EXT1: variants seen among roughly 807,000 people sequenced by gnomAD.
EXT1 encodes the protein exostosin glycosyltransferase 1.
EXT1 carries 20 observed loss-of-function variants against 82.5 expected under a neutral mutation model. That is an observed-to-expected ratio of 0.24 (90% confidence interval 0.17 to 0.35). EXT1 has a LOEUF of 0.35. Among genes scored for constraint, EXT1 ranks in the 10% least tolerant of loss-of-function variants. The pLI is 1.00. For synonymous variants in EXT1, 348 were observed against 350.8 expected, an observed-to-expected ratio of 0.99 and a Z score of 0.09; for missense variants, 757 against 936.5, an observed-to-expected ratio of 0.81 and a Z score of 2.50.
chr8:117,988,243 C>A (rs1654982477), intron 1 of EXT1, among the ~76,000 whole-genome samples: 1 of 152,312 alleles, frequency 6.6e-6, no homozygotes, highest in East Asian at 1.9e-4. Flanking sequence ...ATATAAAACA[C>A]TGAGTAGCAT....
chr8:117,814,607 G>A (rs1811766146), intron 7 of EXT1, among the ~76,000 whole-genome samples: 1 of 152,080 alleles, frequency 6.6e-6, no homozygotes, highest in African/African-American at 2.4e-5. Context: ...TATCTGAATG[G>A]AAAGGACCTC....
intron 1 of EXT1, among the ~76,000 whole-genome samples, chr8:117,986,187 C>CA (rs1379055516): frequency 9.5e-5 from 6 of 63,466 alleles, no homozygotes; most frequent in Middle Eastern, 0.011. Flanking sequence ...CTATTCTTTT[C>CA]TTTTTTTTTT....
At chr8:118,018,873 TTC>T (rs1475687499) in intron 1 of EXT1, among the ~76,000 whole-genome samples, 1 of 152,106 alleles carries the variant, frequency 6.6e-6, no homozygotes, top group Non-Finnish European at 1.5e-5. Context: ...CAACCTGGTT[TTC>T]TCTCTCTTTT....
intron 1 of EXT1, among the ~76,000 whole-genome samples, chr8:117,937,127 T>C (rs1043634362): frequency 6.6e-6 from 1 of 152,186 alleles, no homozygotes; most frequent in African/African-American, 2.4e-5. Flanking sequence ...TCAAATACCT[T>C]TTTTAGATTT....
At chr8:117,888,641 A>G (rs1052023981) in intron 1 of EXT1, among the ~76,000 whole-genome samples, 1 of 152,160 alleles carries the variant, frequency 6.6e-6, no homozygotes, top group African/African-American at 2.4e-5. Flanking sequence ...CCCTTAAAAC[A>G]TGGCATCTAA....
At chr8:118,012,501 GCA>G (rs1815921635) in intron 1 of EXT1, among the ~76,000 whole-genome samples, 1 of 152,188 alleles carries the variant, frequency 6.6e-6, no homozygotes, top group Admixed American at 6.5e-5. Context: ...ACCCGACAAG[GCA>G]GTCTCTAGGA....
chr8:117,996,564 C>A (rs763008584), intron 1 of EXT1, among the ~76,000 whole-genome samples: 3 of 152,210 alleles, frequency 2.0e-5, no homozygotes, highest in Non-Finnish European at 4.4e-5. Flanking sequence ...GACAAGTCAT[C>A]TGTGCACCGT....
intron 1 of EXT1, among the ~76,000 whole-genome samples, chr8:118,094,485 G>C (rs1230980302): frequency 2.0e-5 from 3 of 152,220 alleles, no homozygotes; most frequent in Non-Finnish European, 4.4e-5. Flanking sequence ...CGGTAAGCCT[G>C]AAGTTACAGG....
chr8:117,854,740 A>G (rs1435138238), intron 1 of EXT1, among the ~76,000 whole-genome samples: 2 of 152,236 alleles, frequency 1.3e-5, no homozygotes, highest in African/African-American at 4.8e-5. Context: ...TGTAACACTA[A>G]TACTATGGTC....
chr8:118,028,125 G>A (rs1002394917), intron 1 of EXT1, among the ~76,000 whole-genome samples: 1 of 152,206 alleles, frequency 6.6e-6, no homozygotes, highest in African/African-American at 2.4e-5. Context: ...AGGCCCTTGT[G>A]TTGAGGATAA....
At chr8:118,022,275 G>C (rs1006889251) in intron 1 of EXT1, among the ~76,000 whole-genome samples, 1 of 150,996 alleles carries the variant, frequency 6.6e-6, no homozygotes, top group Non-Finnish European at 1.5e-5. Context: ...ATTAATGCAG[G>C]GGGAGGCAAT....
intron 1 of EXT1, among the ~76,000 whole-genome samples, chr8:118,107,762 A>G (rs1184683199): frequency 1.3e-5 from 2 of 152,196 alleles, no homozygotes; most frequent in East Asian, 3.9e-4. Context: ...AAAGACAAAT[A>G]ATTCTGCTAA....
intron 1 of EXT1, among the ~76,000 whole-genome samples, chr8:117,860,383 A>G (rs17452840): frequency 6.6e-6 from 1 of 152,270 alleles, no homozygotes; most frequent in Non-Finnish European, 1.5e-5. Context: ...TGAGAGAAGA[A>G]GAAATCTACC....
intron 1 of EXT1, among the ~76,000 whole-genome samples, chr8:118,051,711 GAGTGCTGGTCAGTTGCTTCAGGTAA>G (rs1018640372): frequency 6.6e-6 from 1 of 152,154 alleles, no homozygotes; most frequent in African/African-American, 2.4e-5. Flanking sequence ...TCCAAACACG[GAGTGCTGGTCAGTTGCTTCAGGTAA>G]ACCCAATCAG....
In EXT1 at chr8:117,986,674, A is replaced by G. The variant is rs1304416478; in HGVS notation, c.962+123411T>C. On this transcript the variant is annotated intron_variant, in intron 1 of 10. Transcript: ENST00000378204. ...ATTTAAATTCTAGAGAAAGCTATAC[A>G]TTGGTGCTAGGCTCATTTTTTAAAA... Among the ~76,000 whole-genome samples the G allele has an allele frequency of 3.3e-5, 5 of 152,222 alleles. No homozygotes were observed. The East Asian group carries it at 5.8e-4, about 18-fold the overall frequency.
intron 1 of EXT1, among the ~76,000 whole-genome samples, chr8:118,016,591 G>C (rs1236137204): frequency 1.3e-5 from 2 of 152,172 alleles, no homozygotes; most frequent in Admixed American, 1.3e-4. Flanking sequence ...GGTGGGAAGA[G>C]AGGAAGGCAG....
rs555878627 is a variant in EXT1 at position 117,856,091 on chromosome 8, A to G, written c.963-18890T>C. On this transcript the variant is annotated intron_variant, in intron 1 of 10. Coordinates refer to ENST00000378204, the MANE Select transcript of EXT1 (RefSeq NM_000127.3). ...AACAGCCAAGTCATGAATGCAAAGG[A>G]AAAGTTCTTGAAGGAAGTTAAAAGT... 3.5e-4 allele frequency among the ~76,000 whole-genome samples: 53 copies of G among 152,322 alleles called. No individual in the cohort carries two copies. In the South Asian group the frequency reaches 0.011, roughly 32 times the overall value.
At chr8:118,096,648 A>G (rs1185936684) in intron 1 of EXT1, among the ~76,000 whole-genome samples, 7 of 27,428 alleles carry the variant, frequency 2.6e-4, no homozygotes, top group African/African-American at 5.5e-4. Flanking sequence ...GGAAGGAAGG[A>G]AGGAAGGAAG....
At position 118,110,299 on chromosome 8, in the gene EXT1, A is replaced by T. The variant is rs920291906; in HGVS notation, c.748T>A (p.Phe250Ile). The T allele has an allele frequency of 1.6e-5, 25 of 1,612,046 alleles. No homozygotes were observed. The African/African-American group carries it at 2.8e-4, about 18-fold the overall frequency. Residue 250 changes from phenylalanine to isoleucine, a missense_variant, in exon 1 of 11, where the codon TTT (phenylalanine) becomes ATT (isoleucine). Physicochemically the swap from Phe to Ile is conservative, Grantham distance 21 (BLOSUM62 0). This residue lies in a region of EXT1 where 247 missense variants were observed against 330.1 expected (regional missense o/e 0.75). Transcript: ENST00000378204. ...GGAGGGATGGTGTTGAACTTCAAAA[A>T]CCCCCTCTCCCCTCCTGTCCTGGGA... ...DHPRTGGERG[F>I]LKFNTIPPLR...
Sources: allele counts gnomAD v4.1 joint callset (sites outside exome capture counted in the v4.1 genomes callset), GRCh38; gene constraint gnomAD v4.1.1; regional missense constraint gnomAD v4.1.1; transcripts MANE v1.5; gene names NCBI Gene and HGNC (gene_info 2026-07-23, HGNC 2026-07-21).